The following COL18A1 variants were observed in gnomAD, a reference collection of about 807,000 sequenced individuals.
COL18A1 encodes collagen alpha-1(XVIII) chain.
A neutral mutation model predicts 168.0 loss-of-function variants in COL18A1; 133 were observed. That is an observed-to-expected ratio of 0.79 (90% confidence interval 0.69 to 0.91). The LOEUF (loss-of-function observed/expected upper bound fraction) is 0.91, where lower values mean the gene tolerates loss of function less well. Among genes scored for constraint, COL18A1 ranks in the 40% least tolerant of loss-of-function variants. The pLI, the probability that COL18A1 is intolerant of heterozygous loss-of-function variation, is 0.00. For missense variants in COL18A1, 2,126 were observed against 1,925.4 expected (o/e 1.10, Z -1.95); for synonymous variants, 949 against 809.0 (o/e 1.17, Z -2.94).
At chr21:45,454,968 C>T (rs2034745474) in intron 2 of COL18A1, among the ~76,000 whole-genome samples, 1 of 152,242 alleles carries the variant, frequency 6.6e-6, no homozygotes, top group African/African-American at 2.4e-5. Context: ...CTGAGAGGGT[C>T]TGAGCCCCTC....
At chr21:45,495,604 A>ACG in intron 29 of COL18A1, 172 bp downstream of exon 29, 2 of 543,782 alleles carry the variant, frequency 3.7e-6, no homozygotes, top group Middle Eastern at 8.7e-4. Flanking sequence ...ACATGTCCAC[A>ACG]CACGCACACG....
Position 45,494,867 on chromosome 21 carries a change from A to G in COL18A1, c.2385A>G (p.Pro795=). 6.2e-7 allele frequency: 1 copy of G among 1,609,542 alleles called. No homozygotes were observed. Among genetic ancestry groups the G allele is most frequent in the Non-Finnish European group, 8.5e-7 (1 of 1,178,428 alleles). The change falls in exon 28 of 42, where the codon CCA becomes CCG. Residue 795 remains proline, a synonymous_variant. Transcript: ENST00000651438. ...GEPGFRGPPG[P]YGRPGYKGEI... ...TGGCCCCCTTCCTCTTGCAGGGTCC[A>G]TACGGACGGCCGGGGTACAAGGGAG...
intron 5 of COL18A1, 99 bp downstream of exon 5, chr21:45,475,634 G>C: frequency 9.6e-7 from 1 of 1,039,952 alleles, no homozygotes; most frequent in Non-Finnish European, 1.5e-6. Flanking sequence ...GTGGCTCCAA[G>C]AGCTCCCTCT....
Position 45,477,776 on chromosome 21 carries a change from G to T in COL18A1, c.1032G>T (p.Glu344Asp). Residue 344 changes from glutamate to aspartate, a missense_variant, in exon 8 of 42, where the codon GAG becomes GAT. By Grantham distance (45) the Glu-to-Asp change is conservative. Transcript: ENST00000651438. ...KEGGLKGQKG[E>D]PGVPGPPGRA... ...GCGGCCTGAAGGGGCAGAAAGGGGA[G>T]CCAGGTGTTCCGGGCCCACCTGGCC... The T allele has an allele frequency of 1.3e-6, 2 of 1,545,102 alleles. No individual in the cohort carries two copies. Among genetic ancestry groups the T allele is most frequent in the Non-Finnish European group, 8.7e-7 (1 of 1,144,708 alleles).
chr21:45,418,756 A>G (rs907842665), intron 2 of COL18A1, among the ~76,000 whole-genome samples: 1 of 152,072 alleles, frequency 6.6e-6, no homozygotes. Context: ...GCACCTCCTC[A>G]GGGGCCTCCA....
intron 2 of COL18A1, chr21:45,419,664 C>A (rs2033559589): frequency 6.6e-6 from 1 of 152,092 alleles, no homozygotes; most frequent in Non-Finnish European, 1.5e-5. Context: ...CGGATGGGCA[C>A]CATGCTTAGG....
chr21:45,477,354 G>A, intron 6 of COL18A1, 57 bp from the exon 7 acceptor site: 5 of 1,458,040 alleles, frequency 3.4e-6, no homozygotes, highest in Non-Finnish European at 4.7e-6. Flanking sequence ...GGTGCCGAGA[G>A]CAGAGCTGGG....
chr21:45,477,554 C>T (rs927575271), intron 7 of COL18A1, 67 bp downstream of exon 7: 140 of 1,452,694 alleles, frequency 9.6e-5, no homozygotes, highest in East Asian at 2.5e-5. Flanking sequence ...TTGGGCCACT[C>T]ACTGGTGAGC....
chr21:45,437,669 GAC>G (rs1491456985), intron 2 of COL18A1, among the ~76,000 whole-genome samples: 13 of 12,066 alleles, frequency 1.1e-3, no homozygotes, highest in East Asian at 0.01. Flanking sequence ...CACACACTCA[GAC>G]ACACAGGCAC....
chr21:45,504,730 G>C (rs1461453730), intron 34 of COL18A1, among the ~76,000 whole-genome samples, 174 bp downstream of exon 34: 2 of 152,026 alleles, frequency 1.3e-5, no homozygotes, highest in Non-Finnish European at 2.9e-5. Context: ...ACATGGGTGT[G>C]GGTGCACTGA....
chr21:45,444,868 G>GA (rs1569292982), intron 2 of COL18A1, among the ~76,000 whole-genome samples: 2 of 152,020 alleles, frequency 1.3e-5, no homozygotes, highest in African/African-American at 2.4e-5. Flanking sequence ...TCAAATACAT[G>GA]AAAAAAATCA....
intron 2 of COL18A1, among the ~76,000 whole-genome samples, chr21:45,409,152 C>T (rs79866713): frequency 6.5e-4 from 99 of 152,218 alleles, no homozygotes; most frequent in African/African-American, 2.4e-3. Context: ...TCAGAGCTGC[C>T]ACCCTCCAGG....
In COL18A1 at chr21:45,457,312, G is replaced by A. The variant is rs546173624; in HGVS notation, c.107-10930G>A. Among the ~76,000 whole-genome samples, 8 of 152,188 alleles carry A rather than the reference G, an allele frequency of 5.3e-5. No individual in the cohort carries two copies. Among genetic ancestry groups the A allele is most frequent in the Non-Finnish European group, 8.8e-5 (6 of 68,024 alleles). ...GTCACTAAGCTGCACGGTTCGATGC[G>A]CTTCCTGGGAGCCCCAGCGTGCTCG... On this transcript the variant is annotated intron_variant, in intron 2 of 41. Coordinates refer to ENST00000651438, the MANE Select transcript of COL18A1 (RefSeq NM_001379500.1). The surrounding 1 kb of genome is among the most constrained non-coding windows in gnomAD (Gnocchi z 4.6).
chr21:45,489,485 G>A lies in COL18A1; in HGVS notation c.1924-1G>A. On this transcript the variant is annotated splice_acceptor_variant, in intron 18 of 41. Transcript: ENST00000651438. LOFTEE classifies it high-confidence loss of function. The stretch of plus-strand genomic sequence containing the variant: ...CTCACGGAGCCCCTTTTTTCACTTA[G>A]GGGGATCCTGGCGTGCCTGGGCTGC... The A allele has an allele frequency of 1.9e-6, 3 of 1,601,408 alleles. No individual in the cohort carries two copies. Among genetic ancestry groups the A allele is most frequent in the Non-Finnish European group, 1.7e-6 (2 of 1,174,002 alleles).
chr21:45,495,511 G>A (rs2036499323), intron 29 of COL18A1, 79 bp downstream of exon 29: 4 of 1,281,612 alleles, frequency 3.1e-6, no homozygotes, highest in African/African-American at 1.5e-5. Flanking sequence ...CTGGGGTCCT[G>A]CAGCTCCTCC....
In COL18A1 at chr21:45,504,462, G is replaced by GA; in HGVS notation, c.2774_2775insA (p.Glu926GlyfsTer161). ...GATGCAGGACAGAAAGGCGAAAGGG[G>GA]GGAGCCCGGGGGCGGCGGTTTCTTC... On this transcript the variant is annotated frameshift_variant, in exon 34 of 42. Transcript: ENST00000651438. LOFTEE classifies it high-confidence loss of function. The GA allele has an allele frequency of 6.2e-7, 1 of 1,610,714 alleles. No individual in the cohort carries two copies. Among genetic ancestry groups the GA allele is most frequent in the Non-Finnish European group, 8.5e-7 (1 of 1,178,956 alleles).
At position 45,456,070 on chromosome 21, in the gene COL18A1, C is replaced by T. The variant is rs373353645; in HGVS notation, c.107-12172C>T. The T allele has an allele frequency of 1.2e-6, 2 of 1,604,300 alleles. No individual in the cohort carries two copies. Among genetic ancestry groups the T allele is most frequent in the Non-Finnish European group, 1.7e-6 (2 of 1,173,640 alleles). On this transcript the variant is annotated intron_variant, in intron 2 of 41. Transcript: ENST00000651438. ...GTGGCATTCCTAGCTCTCCGGGCGC[C>T]CACACAACCGAGGCTGGCACCTTGC...
intron 32 of COL18A1, among the ~76,000 whole-genome samples, chr21:45,499,358 G>T (rs1602571010): frequency 6.6e-6 from 1 of 152,268 alleles, no homozygotes; most frequent in African/African-American, 2.4e-5. Flanking sequence ...CAGCGACAGG[G>T]AGGTCAGAGG....
In COL18A1 at chr21:45,405,427, G is replaced by A. The variant is rs904736180; in HGVS notation, c.60G>A (p.Ala20=). Residue 20 remains alanine, a synonymous_variant, in exon 2 of 42, where the codon GCG becomes GCA. Transcript: ENST00000651438. ...PRRRRLLDVL[A]PLVLLLGVRA... is the part of the protein sequence containing the mutation. ...GGCGGCGCCTCCTGGACGTGCTCGC[G>A]CCCCTGGTCCTGCTGCTCGGGGTCC... The A allele has an allele frequency of 7.3e-7, 1 of 1,362,770 alleles. No homozygotes were observed. Among genetic ancestry groups the A allele is most frequent in the Admixed American group, 2.6e-5 (1 of 37,890 alleles). The allele number at this position is 1,362,770 out of a possible 1,614,324, so 84.4% of individuals were successfully genotyped here.
Sources: gnomAD v4.1 joint callset for allele counts (sites outside exome capture counted in the v4.1 genomes callset) on GRCh38, gnomAD v4.1.1 for gene constraint, Gnocchi (gnomAD v3.1) non-coding constraint, MANE v1.5 for transcripts, NCBI Gene and HGNC (gene_info 2026-07-23, HGNC 2026-07-21) for gene names.